KIAA1210: variants seen among roughly 807,000 people sequenced by gnomAD.
The protein encoded by KIAA1210 is acrosomal protein KIAA1210.
KIAA1210 carries 48 observed loss-of-function variants against 78.9 expected under a neutral mutation model. The ratio of observed to expected loss-of-function variants is 0.61; its 90% CI spans 0.48 to 0.77. The LOEUF is 0.77. Among genes scored for constraint, KIAA1210 ranks in the 30% least tolerant of loss-of-function variants. The probability of loss-of-function intolerance (pLI) is 0.00; values close to 1 mark genes in which losing one functional copy is unlikely to be tolerated. For missense variants in KIAA1210, 1,108 were observed against 1,100.0 expected, an observed-to-expected ratio of 1.01 and a Z score of -0.10; for synonymous variants, 406 against 404.5, an observed-to-expected ratio of 1.00 and a Z score of -0.04.
rs956556646 is a variant in KIAA1210, at chrX:119,080,908, A to G, written c.*421T>C. The G allele has an allele frequency of 8.8e-6, 1 of 114,203 alleles. No homozygotes were observed. The highest frequency in any genetic ancestry group is 1.8e-5 in the Non-Finnish European group (1 of 54,434). 9.4% of individuals were successfully genotyped at this position (114,203 alleles called of 1,213,427 possible). On this transcript the variant is annotated 3_prime_UTR_variant, in exon 12 of 12. Transcript: ENST00000691062. ...CTTAATACTTATTTTGCTTAATACA[A>G]GTGGTCACAGTAAAAAGATCACTAC...
rs371503493 is a variant in KIAA1210 at position 119,087,073 on chromosome X, C to T, written c.3629G>A (p.Arg1210Gln). 3.3e-6 allele frequency: 4 copies of T among 1,209,725 alleles called. No individual in the cohort carries two copies. The highest frequency in any genetic ancestry group is 3.5e-5 in the African/African-American group (2 of 57,128). ...HSSSVNAAAR[R>Q]SVFESNSDNW... The stretch of plus-strand genomic sequence containing the variant: ...GTCAGAATTGCTCTCAAAAACAGAT[C>T]GCCTAGCAGCAGCATTCACAGAACT... The change falls in exon 9 of 12, where the codon CGA (arginine) becomes CAA (glutamine). Residue 1210 changes from arginine to glutamine, a missense_variant. By Grantham distance (43) the Arg-to-Gln change is conservative. Around this residue, in one of 5 missense-constraint regions of KIAA1210, gnomAD observed 245 missense variants for 278.8 expected, o/e 0.88. Transcript: ENST00000691062.
At chrX:119,123,023 TTG>T (rs756634696) in intron 2 of KIAA1210, among the ~76,000 whole-genome samples, 1 of 111,985 alleles carries the variant, frequency 8.9e-6, no homozygotes, top group Admixed American at 9.5e-5. Context: ...TTCCTTTTTA[TTG>T]TGTGTGTGTG....
rs564418906 is a variant in KIAA1210, at chrX:119,087,403, G to A, written c.3299C>T (p.Ser1100Phe). The A allele has an allele frequency of 8.3e-7, 1 of 1,211,500 alleles. No homozygotes were observed. Among genetic ancestry groups the A allele is most frequent in the Non-Finnish European group, 1.1e-6 (1 of 895,327 alleles). The change falls in exon 9 of 12, where the codon TCT (serine) becomes TTT (phenylalanine). Residue 1100 changes from serine (S) to phenylalanine (F), a missense_variant. Physicochemically the swap from Ser to Phe is radical, Grantham distance 155. Around this residue, in one of 5 missense-constraint regions of KIAA1210, gnomAD observed 179 missense variants for 174.1 expected, o/e 1.03. Coordinates refer to ENST00000691062, the MANE Select transcript of KIAA1210 (RefSeq NM_001394962.1). Reference protein sequence around the residue: ...GRPEDPQKVFSYSERAPGKCS... With the variant: ...GRPEDPQKVFFYSERAPGKCS... ...CTTCCCAGGAGCTCTCTCTGAATAA[G>A]AGAAAACTTTCTGTGGGTCTTCAGG...
At chrX:119,106,799 C>A (rs1439306014) in intron 5 of KIAA1210, among the ~76,000 whole-genome samples, 1 of 112,325 alleles carries the variant, frequency 8.9e-6, no homozygotes, top group Non-Finnish European at 1.9e-5. Flanking sequence ...AGGTGAAAAT[C>A]TGGCAGGAAA....
intron 2 of KIAA1210, among the ~76,000 whole-genome samples, chrX:119,137,052 G>T (rs1334903508): frequency 5.3e-5 from 6 of 112,599 alleles, no homozygotes; most frequent in African/African-American, 1.9e-4. Context: ...CAGCTACTAT[G>T]TGCTTAGACC....
At chrX:119,145,703 C>T (rs888998649) in intron 2 of KIAA1210, among the ~76,000 whole-genome samples, 9 of 111,734 alleles carry the variant, frequency 8.1e-5, no homozygotes, top group African/African-American at 2.9e-4. Flanking sequence ...AATCAAATGG[C>T]AAGCCTTCAC....
Position 119,121,034 on chromosome X carries a change from C to A in KIAA1210, c.61+2548G>T, listed in dbSNP as rs187135658. On this transcript the variant is annotated intron_variant, in intron 2 of 11. Coordinates refer to ENST00000691062, the MANE Select transcript of KIAA1210 (RefSeq NM_001394962.1). The stretch of plus-strand genomic sequence containing the variant: ...CCTAACTGTATCCAACACCCCCCAC[C>A]CCCACTATCCCATGAATGAAGACGA... 2.0e-3 allele frequency among the ~76,000 whole-genome samples: 227 copies of A among 111,372 alleles called. 2 individuals carry two copies. The highest frequency in any genetic ancestry group is 6.9e-3 in the African/African-American group (212 of 30,669).
intron 6 of KIAA1210, 114 bp from the exon 7 acceptor site, chrX:119,096,805 T>A: frequency 1.9e-6 from 1 of 525,760 alleles, no homozygotes; most frequent in Non-Finnish European, 3.0e-6. Context: ...CATGAACTAT[T>A]GTCCCCTTTC....
At chrX:119,103,581 C>T (rs979133291) in intron 6 of KIAA1210, among the ~76,000 whole-genome samples, 1 of 111,417 alleles carries the variant, frequency 9.0e-6, no homozygotes, top group African/African-American at 3.3e-5. Flanking sequence ...TATGACCCAG[C>T]AATTCCACTC....
At chrX:119,150,731 G>A (rs1010811736), upstream of KIAA1210, among the ~76,000 whole-genome samples, 2 of 112,381 alleles carry the variant, frequency 1.8e-5, no homozygotes, top group African/African-American at 6.5e-5. Context: ...CCCAACCAGC[G>A]GGGTGCACAG....
chrX:119,096,472 C>T (rs368902303), intron 7 of KIAA1210, 22 bp downstream of exon 7: 2 of 1,175,281 alleles, frequency 1.7e-6, no homozygotes, highest in African/African-American at 3.6e-5. Context: ...GAGTTTAGTG[C>T]CCTGTCTCTT....
chrX:119,105,219 ATTCT>A, intron 5 of KIAA1210, 72 bp from the exon 6 acceptor site: 2 of 1,018,838 alleles, frequency 2.0e-6, no homozygotes, highest in Non-Finnish European at 2.6e-6. Flanking sequence ...GTTTTCTCTT[ATTCT>A]TTAATAAGAG....
At chrX:119,105,260 C>T in intron 5 of KIAA1210, 113 bp from the exon 6 acceptor site, 1 of 782,271 alleles carries the variant, frequency 1.3e-6, no homozygotes, top group Non-Finnish European at 1.8e-6. Flanking sequence ...GGTTGAAGGA[C>T]TAAGAATCCA....
At chrX:119,144,299 A>G (rs923199586) in intron 2 of KIAA1210, among the ~76,000 whole-genome samples, 37 of 112,561 alleles carry the variant, frequency 3.3e-4, no homozygotes, top group African/African-American at 1.2e-3. Flanking sequence ...GCTCTCTGGT[A>G]CAACCTTCCC....
rs759002808 is a variant in KIAA1210, at chrX:119,135,782, A to G, written c.410+11691T>C. On this transcript the variant is annotated intron_variant, in intron 2 of 13. Coordinates refer to the KIAA1210 transcript ENST00000402510. Reference sequence around the variant, plus strand: ...GTAAAAGTAGAAGAAGGCCAGGTGCAGTGGCTCACGCCTGTAATCCCAGCA... The same window carrying G: ...GTAAAAGTAGAAGAAGGCCAGGTGCGGTGGCTCACGCCTGTAATCCCAGCA... Among the ~76,000 whole-genome samples, 3 of 112,399 alleles carry G rather than the reference A, an allele frequency of 2.7e-5. No individual in the cohort carries two copies. The Admixed American group carries it at 2.8e-4, about 11-fold the overall frequency.
intron 7 of KIAA1210, chrX:119,093,988 C>G: frequency 8.6e-7 from 1 of 1,157,847 alleles, no homozygotes; most frequent in Admixed American, 2.2e-5. Context: ...ATTTTACCTA[C>G]TGGAAGTGGT....
chrX:119,137,474 C>G (rs746102526), intron 2 of KIAA1210, among the ~76,000 whole-genome samples: 3 of 112,446 alleles, frequency 2.7e-5, no homozygotes, highest in African/African-American at 9.7e-5. Flanking sequence ...CAGCCTTGCC[C>G]GAGTCATAGC....
At chrX:119,143,585 C>T (rs1456056580) in intron 2 of KIAA1210, among the ~76,000 whole-genome samples, 2 of 112,339 alleles carry the variant, frequency 1.8e-5, no homozygotes, top group African/African-American at 6.5e-5. Flanking sequence ...AGTGGCACAG[C>T]AAGGAAAATC....
intron 6 of KIAA1210, among the ~76,000 whole-genome samples, chrX:119,100,124 C>T (rs745419456): frequency 1.7e-4 from 19 of 109,318 alleles, no homozygotes; most frequent in African/African-American, 6.0e-4. Context: ...AGATCGAGAC[C>T]ATCATGGCTA....
Sources: gnomAD v4.1 joint callset for allele counts (sites outside exome capture counted in the v4.1 genomes callset) on GRCh38, gnomAD v4.1.1 for gene constraint, gnomAD v4.1.1 regional missense constraint, MANE v1.5 for transcripts, NCBI Gene and HGNC (gene_info 2026-07-23, HGNC 2026-07-21) for gene names.